Variants in MCTP1 observed in about 807,000 individuals in gnomAD.
MCTP1 encodes multiple C2 and transmembrane domain containing 1.
A neutral mutation model predicts 120.6 loss-of-function variants in MCTP1; 69 were observed. The observed-to-expected ratio is 0.57, with a 90% confidence interval of 0.47 to 0.70. The LOEUF (loss-of-function observed/expected upper bound fraction) is 0.70, where lower values mean the gene tolerates loss of function less well. MCTP1 is among the 30% of genes least tolerant of loss of function. The pLI, the probability that MCTP1 is intolerant of heterozygous loss-of-function variation, is 0.00. For missense variants in MCTP1, 1,203 were observed against 1,248.8 expected (o/e 0.96, Z 0.55); for synonymous variants, 529 against 493.1 (o/e 1.07, Z -0.96).
chr5:95,045,972 G>A (rs1260856292), intron 1 of MCTP1, among the ~76,000 whole-genome samples: 1 of 152,054 alleles, frequency 6.6e-6, no homozygotes, highest in African/African-American at 2.4e-5. Context: ...GATAATAATG[G>A]GTCATGCTTC....
chr5:94,864,631 A>C (rs764009651), intron 17 of MCTP1, among the ~76,000 whole-genome samples: 20 of 151,928 alleles, frequency 1.3e-4, no homozygotes, highest in Non-Finnish European at 2.7e-4. Context: ...TGTTAATGTT[A>C]AACACAGCAG....
chr5:95,101,967 T>C (rs1349510841), intron 1 of MCTP1, among the ~76,000 whole-genome samples: 1 of 152,212 alleles, frequency 6.6e-6, no homozygotes, highest in East Asian at 1.9e-4. Context: ...GGGCAAGGTC[T>C]GTGTTTTTTT....
chr5:95,221,106 TA>T (rs1224004979), intron 1 of MCTP1, among the ~76,000 whole-genome samples: 1 of 152,112 alleles, frequency 6.6e-6, no homozygotes, highest in Non-Finnish European at 1.5e-5. Context: ...AACCAACAGG[TA>T]AAAAACATGC....
At chr5:94,764,124 G>A (rs1441069479) in intron 19 of MCTP1, among the ~76,000 whole-genome samples, 1 of 152,216 alleles carries the variant, frequency 6.6e-6, no homozygotes, top group Non-Finnish European at 1.5e-5. Context: ...AGAAGGAAAA[G>A]AGATATGGCA....
chr5:94,942,641 G>T (rs1298212413), intron 3 of MCTP1, among the ~76,000 whole-genome samples: 1 of 151,884 alleles, frequency 6.6e-6, no homozygotes, highest in Non-Finnish European at 1.5e-5. Context: ...ATTACTGATG[G>T]ATTATATCAA....
intron 1 of MCTP1, among the ~76,000 whole-genome samples, chr5:95,145,167 G>A (rs1364391167): frequency 6.6e-6 from 1 of 152,044 alleles, no homozygotes; most frequent in Non-Finnish European, 1.5e-5. Flanking sequence ...TATTTTAAAT[G>A]GGATTGTGTT....
At chr5:95,069,030 A>ATGAG (rs1751437256) in intron 1 of MCTP1, among the ~76,000 whole-genome samples, 1 of 152,082 alleles carries the variant, frequency 6.6e-6, no homozygotes, top group African/African-American at 2.4e-5. Context: ...TACGTAATTA[A>ATGAG]AACAGATGTT....
chr5:94,924,511 G>A (rs469140), intron 6 of MCTP1, among the ~76,000 whole-genome samples: 111,400 of 151,964 alleles, frequency 0.73, 41,173 homozygotes, highest in East Asian at 0.85. Flanking sequence ...AACAAACATA[G>A]TAAGTGACTT....
In MCTP1 at chr5:94,843,441, C is replaced by T. The variant is rs536796995; in HGVS notation, c.2436+24892G>A. Among the ~76,000 whole-genome samples the T allele has an allele frequency of 6.7e-4, 102 of 152,116 alleles. 1 individual carries two copies. In the South Asian group the frequency reaches 0.02, roughly 30 times the overall value. On this transcript the variant is annotated intron_variant, in intron 17 of 22. Transcript: ENST00000515393. ...GGCATCAGAGGTGATGGGATGTAGG[C>T]GATTTGTCTGCTAACTCTGGCCTAG...
intron 18 of MCTP1, among the ~76,000 whole-genome samples, chr5:94,782,514 C>T (rs1207316945): frequency 6.6e-6 from 1 of 152,134 alleles, no homozygotes; most frequent in Non-Finnish European, 1.5e-5. Context: ...AACATCGAAA[C>T]TGCAAACTGA....
chr5:95,134,362 A>T (rs1426925846), intron 1 of MCTP1, among the ~76,000 whole-genome samples: 4 of 152,252 alleles, frequency 2.6e-5, no homozygotes, highest in Non-Finnish European at 5.9e-5. Context: ...ATATAAAAGA[A>T]TGGCATACAA....
At chr5:94,865,852 ACTAT>A (rs149911982) in intron 17 of MCTP1, among the ~76,000 whole-genome samples, 11,301 of 151,936 alleles carry the variant, frequency 0.074, 449 homozygotes, top group Non-Finnish European at 0.094. Context: ...GAAAACTAAC[ACTAT>A]CTACTTCATA....
At chr5:95,144,934 A>G (rs1760254624) in intron 1 of MCTP1, among the ~76,000 whole-genome samples, 2 of 152,324 alleles carry the variant, frequency 1.3e-5, no homozygotes, top group South Asian at 4.1e-4. Flanking sequence ...TTCTGTGGAA[A>G]AAATGACGTT....
At chr5:95,148,624 T>A (rs1305469200) in intron 1 of MCTP1, among the ~76,000 whole-genome samples, 1 of 152,208 alleles carries the variant, frequency 6.6e-6, no homozygotes, top group Non-Finnish European at 1.5e-5. Flanking sequence ...ATTCCTTGGA[T>A]TGGGTTTCAA....
At chr5:95,192,623 CTT>C (rs1180665682) in intron 1 of MCTP1, among the ~76,000 whole-genome samples, 2 of 151,990 alleles carry the variant, frequency 1.3e-5, no homozygotes, top group Admixed American at 6.6e-5. Flanking sequence ...TTTACTAAAA[CTT>C]AACAGAAATT....
chr5:94,997,751 GTTT>G (rs1039766221), intron 2 of MCTP1, among the ~76,000 whole-genome samples: 2 of 152,122 alleles, frequency 1.3e-5, no homozygotes, highest in African/African-American at 4.8e-5. Flanking sequence ...TAACTGAGCA[GTTT>G]TTATTTATGT....
At chr5:95,167,111 G>A (rs1457848394) in intron 1 of MCTP1, among the ~76,000 whole-genome samples, 5 of 151,772 alleles carry the variant, frequency 3.3e-5, no homozygotes, top group Non-Finnish European at 5.9e-5. Context: ...GTTGCCCTGT[G>A]TCCAAGTGTT....
Position 94,867,246 on chromosome 5 carries a change from CA to C in MCTP1, c.2436+1086del, listed in dbSNP as rs1272446689. 4 of 1,465,276 alleles carry C rather than the reference CA, an allele frequency of 2.7e-6. No individual in the cohort carries two copies. The East Asian group carries it at 1.0e-4, about 37-fold the overall frequency. The allele number at this position is 1,465,276 out of a possible 1,614,324, so 90.8% of individuals were successfully genotyped here. On this transcript the variant is annotated intron_variant, in intron 17 of 22. Coordinates refer to ENST00000515393, the MANE Select transcript of MCTP1 (RefSeq NM_024717.7). ...TTTTTCTAAAACTTAACGATAATGA[CA>C]ATTGCTTTCTTTAGGGAGACAACAA...
rs142021676 is a variant in MCTP1 at position 94,787,181 on chromosome 5, G to A, written c.2557-8018C>T. ...GTCTTCATGCACGGTGCACAGTGGA[G>A]ATTTGTATTACAATAATCAAGAAAA... On this transcript the variant is annotated intron_variant, in intron 18 of 22. Transcript: ENST00000515393. 3.8e-3 allele frequency among the ~76,000 whole-genome samples: 579 copies of A among 152,236 alleles called. 1 individual carries two copies. Among genetic ancestry groups the A allele is most frequent in the Admixed American group, 4.3e-3 (66 of 15,292 alleles).
Sources: allele counts gnomAD v4.1 joint callset (sites outside exome capture counted in the v4.1 genomes callset), GRCh38; gene constraint gnomAD v4.1.1; transcripts MANE v1.5; gene names NCBI Gene and HGNC (gene_info 2026-07-23, HGNC 2026-07-21).